The following RLN1 variants were observed in gnomAD, a reference collection of about 807,000 sequenced individuals.
RLN1 encodes relaxin 1.
In RLN1, 4 loss-of-function variants were observed where a neutral mutation model predicts 7.2. The observed-to-expected ratio is 0.56, with a 90% confidence interval of 0.28 to 1.28. RLN1 has a LOEUF of 1.28. Ranked by LOEUF, RLN1 falls within the 50% of genes most tolerant of loss-of-function variation. The pLI, the probability that RLN1 is intolerant of heterozygous loss-of-function variation, is 0.11. For missense variants in RLN1, 293 were observed against 221.1 expected (o/e 1.32, Z -2.06); for synonymous variants, 105 against 86.0 (o/e 1.22, Z -1.22).
Position 5,335,511 on chromosome 9 carries a change from C to T in RLN1, c.298G>A (p.Ala100Thr). Residue 100 changes from alanine to threonine, a missense_variant, in exon 2 of 2, where the codon GCA becomes ACA. By Grantham distance (58) the Ala-to-Thr change is moderately conservative. Transcript: ENST00000223862. ...GATGGTTGCCTCTCAGATAGGGCTGCCTTCAGCTCCGGTGGCAAATTAGCA... is the reference window on the plus strand; with the variant it reads ...GATGGTTGCCTCTCAGATAGGGCTGTCTTCAGCTCCGGTGGCAAATTAGCA... ...FIANLPPELK[A>T]ALSERQPSLP... 6.2e-7 allele frequency: 1 copy of T among 1,613,236 alleles called. No individual in the cohort carries two copies. Among genetic ancestry groups the T allele is most frequent in the Non-Finnish European group, 8.5e-7 (1 of 1,179,456 alleles).
rs780703839 is a variant in RLN1, at chr9:5,339,605, C to A, written c.142G>T (p.Gly48Cys). Residue 48 changes from glycine (G) to cysteine (C), a missense_variant, in exon 1 of 2, where the codon GGC becomes TGC. By Grantham distance (159) the Gly-to-Cys change is radical (BLOSUM62 -3). Transcript: ENST00000223862. ...ELVRAQIAIC[G>C]MSTWSKRSLS... ...GACCTTTTGCTCCAGGTGCTCATGC[C>A]GCAAATGGCAATCTGCGCGCGAACT... 3.7e-6 allele frequency: 6 copies of A among 1,611,716 alleles called. No homozygotes were observed. The East Asian group carries it at 6.7e-5, about 18-fold the overall frequency.
rs749449263 is a variant in RLN1, at chr9:5,335,318, T to G, written c.491A>C (p.Tyr164Ser). 1 of 1,611,728 alleles carries G rather than the reference T, an allele frequency of 6.2e-7. No individual in the cohort carries two copies. Among genetic ancestry groups the G allele is most frequent in the East Asian group, 2.2e-5 (1 of 44,856 alleles). Residue 164 changes from tyrosine (Y) to serine (S), a missense_variant, in exon 2 of 2, where the codon TAC (tyrosine) becomes TCC (serine). By Grantham distance (144) the Tyr-to-Ser change is moderately radical. Coordinates refer to ENST00000223862, the MANE Select transcript of RLN1 (RefSeq NM_006911.4). ...GCAACATTTCTCAAACAGTGCCACG[T>G]AGGGTCGTCTCTTTTTTTGAGAATG... ...DTHSQKKRRP[Y>S]VALFEKCCLI... is the part of the protein sequence containing the mutation.
In RLN1 at chr9:5,339,804, C is replaced by T. The variant is rs1244038431; in HGVS notation, c.-58G>A. 9 of 1,562,436 alleles carry T rather than the reference C, an allele frequency of 5.8e-6. No homozygotes were observed. The African/African-American group carries it at 9.6e-5, about 17-fold the overall frequency. On this transcript the variant is annotated 5_prime_UTR_variant, in exon 1 of 2. Transcript: ENST00000223862. ...TTGCAGCCTTTCAGGACTGCGGCTG[C>T]TGTGGCCTACACACCTGGGCCTGTG...
In RLN1 at chr9:5,339,627, A is replaced by T; in HGVS notation, c.120T>A (p.Val40=). 1 of 1,612,464 alleles carries T rather than the reference A, an allele frequency of 6.2e-7. No individual in the cohort carries two copies. The highest frequency in any genetic ancestry group is 2.2e-5 in the East Asian group (1 of 44,846). The change falls in exon 1 of 2, where the codon GTT becomes GTA. Residue 40 remains valine, a synonymous_variant. Transcript: ENST00000223862. ...TGCCGCAAATGGCAATCTGCGCGCG[A>T]ACTAATTCGCGGCCGCATAATTTAA... ...DVIKLCGREL[V]RAQIAICGMS... is the part of the protein sequence containing the mutation.
chr9:5,339,881 A>C, upstream of RLN1: 2 of 834,296 alleles, frequency 2.4e-6, no homozygotes, highest in South Asian at 3.4e-5. Context: ...ACCAGTCTTT[A>C]GTATGGGCTA....
At position 5,339,602 on chromosome 9, in the gene RLN1, T is replaced by A. The variant is rs746672013; in HGVS notation, c.145A>T (p.Met49Leu). The A allele has an allele frequency of 6.2e-6, 10 of 1,611,758 alleles. No individual in the cohort carries two copies. Among genetic ancestry groups the A allele is most frequent in the Non-Finnish European group, 8.5e-6 (10 of 1,179,880 alleles). Residue 49 changes from methionine (M) to leucine (L), a missense_variant, in exon 1 of 2, where the codon ATG (methionine) becomes TTG (leucine). Coordinates refer to ENST00000223862, the MANE Select transcript of RLN1 (RefSeq NM_006911.4). ...LVRAQIAICGMSTWSKRSLSQ... is the reference protein window; with the variant it reads ...LVRAQIAICGLSTWSKRSLSQ... Reference sequence around the variant, plus strand: ...AGAGACCTTTTGCTCCAGGTGCTCATGCCGCAAATGGCAATCTGCGCGCGA... The same window carrying A: ...AGAGACCTTTTGCTCCAGGTGCTCAAGCCGCAAATGGCAATCTGCGCGCGA...
Position 5,339,774 on chromosome 9 carries a change from G to C in RLN1, c.-28C>G, listed in dbSNP as rs1235902511. ...TGGGCCTGGTCTCTCCTGGAGGTCT[G>C]GGTGTTGCAGCCTTTCAGGACTGCG... On this transcript the variant is annotated 5_prime_UTR_variant, in exon 1 of 2. Coordinates refer to ENST00000223862, the MANE Select transcript of RLN1 (RefSeq NM_006911.4). 1.9e-6 allele frequency: 3 copies of C among 1,610,790 alleles called. No individual in the cohort carries two copies. Among genetic ancestry groups the C allele is most frequent in the East Asian group, 2.2e-5 (1 of 44,854 alleles).
intron 1 of RLN1, among the ~76,000 whole-genome samples, chr9:5,337,777 C>A (rs1816928941): frequency 1.3e-5 from 2 of 152,062 alleles, no homozygotes; most frequent in Non-Finnish European, 2.9e-5. Flanking sequence ...AAAGAAAATT[C>A]TTTAAAAATA....
At chr9:5,337,890 T>C (rs1010245351) in intron 1 of RLN1, among the ~76,000 whole-genome samples, 2 of 152,046 alleles carry the variant, frequency 1.3e-5, no homozygotes, top group Non-Finnish European at 2.9e-5. Context: ...ATAAACTAAA[T>C]ATCCACCAAA....
rs756554924 is a variant in RLN1 at position 5,336,239 on chromosome 9, A to C, written c.212-642T>G. 2.6e-4 allele frequency among the ~76,000 whole-genome samples: 40 copies of C among 152,074 alleles called. 2 individuals carry two copies. Among genetic ancestry groups the C allele is most frequent in the Non-Finnish European group, 5.1e-4 (35 of 68,022 alleles). On this transcript the variant is annotated intron_variant, in intron 1 of 1. Coordinates refer to ENST00000223862, the MANE Select transcript of RLN1 (RefSeq NM_006911.4). ...CAATAGTATTTTATATGAAAGAGAG[A>C]AGTGGGTTAAAAGATCACTAACCAA...
At position 5,339,767 on chromosome 9, in the gene RLN1, G is replaced by A. The variant is rs776930026; in HGVS notation, c.-21C>T. 2 of 1,612,666 alleles carry A rather than the reference G, an allele frequency of 1.2e-6. No individual in the cohort carries two copies. The highest frequency in any genetic ancestry group is 8.5e-7 in the Non-Finnish European group (1 of 1,179,164). On this transcript the variant is annotated 5_prime_UTR_variant, in exon 1 of 2. Transcript: ENST00000223862. The stretch of plus-strand genomic sequence containing the variant: ...GGCATCCTGGGCCTGGTCTCTCCTG[G>A]AGGTCTGGGTGTTGCAGCCTTTCAG...
chr9:5,337,960 A>G lies in RLN1; in HGVS notation c.211+1576T>C, dbSNP rs36123525. ...AAATACTACACAGGAATTTCAAATT[A>G]TGTTTTGGGATAATAACAATGTGAG... On this transcript the variant is annotated intron_variant, in intron 1 of 1. Coordinates refer to ENST00000223862, the MANE Select transcript of RLN1 (RefSeq NM_006911.4). Among the ~76,000 whole-genome samples, 111 of 152,112 alleles carry G rather than the reference A, an allele frequency of 7.3e-4. 2 individuals are homozygous for G. The highest frequency in any genetic ancestry group is 3.5e-3 in the East Asian group (18 of 5,180).
chr9:5,335,377 A>G lies in RLN1; in HGVS notation c.432T>C (p.Asn144=). Residue 144 remains asparagine, a synonymous_variant, in exon 2 of 2, where the codon AAT becomes AAC. Coordinates refer to ENST00000223862, the MANE Select transcript of RLN1 (RefSeq NM_006911.4). ...AGCCTAAGTATTTTAATTCTGAAGG[A>G]TTGCTGTCTGCGGCTTCACTTTGCC... is the stretch of plus-strand genomic sequence containing the variant. ...RNRQSEAADS[N]PSELKYLGLD... The G allele has an allele frequency of 1.2e-6, 2 of 1,613,580 alleles. No homozygotes were observed. The highest frequency in any genetic ancestry group is 8.5e-7 in the Non-Finnish European group (1 of 1,179,698).
At position 5,339,560 on chromosome 9, in the gene RLN1, G is replaced by T. The variant is rs1252255242; in HGVS notation, c.187C>A (p.Pro63Thr). 6.2e-7 allele frequency: 1 copy of T among 1,601,056 alleles called. No homozygotes were observed. Among genetic ancestry groups the T allele is most frequent in the Non-Finnish European group, 8.5e-7 (1 of 1,176,374 alleles). Residue 63 changes from proline (P) to threonine (T), a missense_variant, in exon 1 of 2, where the codon CCT becomes ACT. By Grantham distance (38) the Pro-to-Thr change is conservative (BLOSUM62 -1). Coordinates refer to ENST00000223862, the MANE Select transcript of RLN1 (RefSeq NM_006911.4). ...CCTGCCACTGGTCTAGGTGTCTGAG[G>T]AGCATCTTCCTGGCTCAGAGACCTT... ...SKRSLSQEDAPQTPRPVAEIV... is the reference protein window; with the variant it reads ...SKRSLSQEDATQTPRPVAEIV...
Position 5,339,473 on chromosome 9 carries a change from G to C in RLN1, c.211+63C>G. ...ACGTGCAGGCCGCCGTTCCAATTGG[G>C]CGGCCGCCCCAGAGTAACCAATGGG... On this transcript the variant is annotated intron_variant, in intron 1 of 1. Coordinates refer to ENST00000223862, the MANE Select transcript of RLN1 (RefSeq NM_006911.4). 11 of 1,194,840 alleles carry C rather than the reference G, an allele frequency of 9.2e-6. No individual in the cohort carries two copies. The South Asian group carries it at 9.6e-5, about 10-fold the overall frequency. The allele number at this position is 1,194,840 out of a possible 1,614,324, so 74.0% of individuals were successfully genotyped here.
At chr9:5,339,401 G>C in intron 1 of RLN1, 135 bp downstream of exon 1, 1 of 600,092 alleles carries the variant, frequency 1.7e-6, no homozygotes, top group Non-Finnish European at 2.8e-6. Flanking sequence ...GACCAGCCAC[G>C]GCTGAGTAGG....
upstream of RLN1, chr9:5,339,980 T>TC (rs1816959873): frequency 3.2e-5 from 18 of 570,364 alleles, no homozygotes; most frequent in South Asian, 3.8e-4. Flanking sequence ...GTTCTGCCTC[T>TC]CCGCCCTTCC....
At chr9:5,338,245 C>T (rs575232425) in intron 1 of RLN1, among the ~76,000 whole-genome samples, 853 of 59,454 alleles carry the variant, frequency 0.014, 34 homozygotes, top group African/African-American at 0.056. Context: ...CAATGCAATC[C>T]GGTCTTCTCT....
rs774537814 is a variant in RLN1, at chr9:5,335,255, C to T, written c.554G>A (p.Cys185Tyr). ...GCTKRSLAKY[C>Y] is the part of the protein sequence containing the mutation. ...ATGTGCACAATTAGCTTCATCTCAG[C>T]AATATTTAGCAAGAGACCTTTTGGT... Residue 185 changes from cysteine to tyrosine, a missense_variant, in exon 2 of 2, where the codon TGC becomes TAC. By Grantham distance (194) the Cys-to-Tyr change is radical. Coordinates refer to ENST00000223862, the MANE Select transcript of RLN1 (RefSeq NM_006911.4). 2 of 1,575,674 alleles carry T rather than the reference C, an allele frequency of 1.3e-6. No individual in the cohort carries two copies. Among genetic ancestry groups the T allele is most frequent in the Admixed American group, 1.9e-5 (1 of 52,788 alleles).
Sources: allele counts gnomAD v4.1 joint callset (sites outside exome capture counted in the v4.1 genomes callset), GRCh38; gene constraint gnomAD v4.1.1; transcripts MANE v1.5; gene names NCBI Gene and HGNC (gene_info 2026-07-23, HGNC 2026-07-21).